MEP1A: variants seen among roughly 807,000 people sequenced by gnomAD.
MEP1A encodes the protein N-benzoyl-L-tyrosyl-P-amino-benzoic acid hydrolase subunit alpha.
A neutral mutation model predicts 84.5 loss-of-function variants in MEP1A; 68 were observed. That is an observed-to-expected ratio of 0.80 (90% CI 0.66 to 0.98). MEP1A has a LOEUF of 0.98. Among genes scored for constraint, MEP1A ranks in the 50% least tolerant of loss-of-function variants. The pLI is 0.00. For synonymous variants in MEP1A, 337 were observed against 336.8 expected (o/e 1.00, Z -0.01); for missense variants, 887 against 919.9 (o/e 0.96, Z 0.46).
Position 46,814,668 on chromosome 6 carries a change from G to T in MEP1A, c.381-4861G>T, listed in dbSNP as rs539567357. ...TTGTTTTTCTGGTCCCTTCTCATTT[G>T]GGTAGACTGTGTCAGAGGGAAGATC... is the stretch of plus-strand genomic sequence containing the variant. On this transcript the variant is annotated intron_variant, in intron 6 of 13. Coordinates refer to ENST00000230588, the MANE Select transcript of MEP1A (RefSeq NM_005588.3). 5.9e-5 allele frequency among the ~76,000 whole-genome samples: 9 copies of T among 152,226 alleles called. No individual in the cohort carries two copies. The South Asian group carries it at 1.9e-3, about 32-fold the overall frequency.
At chr6:46,809,591 G>A in intron 6 of MEP1A, 54 bp downstream of exon 6, 2 of 1,214,798 alleles carry the variant, frequency 1.6e-6, no homozygotes, top group Non-Finnish European at 2.4e-6. Context: ...TTCGTAAGAA[G>A]TATTCTTTCC....
intron 6 of MEP1A, 135 bp downstream of exon 6, chr6:46,809,672 T>G: frequency 1.6e-6 from 1 of 611,554 alleles, no homozygotes; most frequent in African/African-American, 1.8e-5. Context: ...CACATATGAG[T>G]GAGAACATAC....
At chr6:46,803,272 CT>C (rs1263912816) in intron 5 of MEP1A, among the ~76,000 whole-genome samples, 2 of 151,346 alleles carry the variant, frequency 1.3e-5, no homozygotes, top group Admixed American at 1.3e-4. Context: ...TATTATGCTG[CT>C]TTTATTAAAT....
chr6:46,801,913 T>TC (rs1006825200), intron 5 of MEP1A, among the ~76,000 whole-genome samples: 2 of 151,992 alleles, frequency 1.3e-5, no homozygotes, highest in African/African-American at 4.8e-5. Context: ...TTGCCAAGAC[T>TC]CCTCATTTCT....
downstream of MEP1A, among the ~76,000 whole-genome samples, chr6:46,842,137 C>A (rs2094628): frequency 0.67 from 101,239 of 151,972 alleles, 34,056 homozygotes; most frequent in South Asian, 0.74. Flanking sequence ...TTATCTTTGT[C>A]AGCTGAGAAT....
intron 13 of MEP1A, among the ~76,000 whole-genome samples, chr6:46,838,507 A>G (rs565742139): frequency 6.6e-6 from 1 of 152,262 alleles, no homozygotes; most frequent in African/African-American, 2.4e-5. Flanking sequence ...GTAACATTTT[A>G]TTTGATATTA....
In MEP1A at chr6:46,839,137, C is replaced by T. The variant is rs1267680285; in HGVS notation, c.*1C>T. On this transcript the variant is annotated 3_prime_UTR_variant, in exon 14 of 14. Transcript: ENST00000230588. The stretch of plus-strand genomic sequence containing the variant: ...CCTTTCCCAAAGGCCAAGGAAGTGA[C>T]CTGCCTGCTGGCATTGGCCAGACCA... 3 of 1,611,434 alleles carry T rather than the reference C, an allele frequency of 1.9e-6. No homozygotes were observed. Among genetic ancestry groups the T allele is most frequent in the Middle Eastern group, 2.1e-4 (1 of 4,782 alleles).
Position 46,826,439 on chromosome 6 carries a change from C to T in MEP1A, c.864C>T (p.Asp288=). The T allele has an allele frequency of 3.1e-6, 5 of 1,609,030 alleles. No individual in the cohort carries two copies. Among genetic ancestry groups the T allele is most frequent in the Non-Finnish European group, 4.2e-6 (5 of 1,177,598 alleles). The change falls in exon 9 of 14, where the codon GAC becomes GAT. Residue 288 remains aspartate (D), a synonymous_variant. Transcript: ENST00000230588. ...TTCAGGGCACCAGAGATGACACTGA[C>T]TGGGCCCATCAGGACAGTGCTCAGG... ...GMIQGTRDDT[D]WAHQDSAQAG...
chr6:46,807,824 A>G (rs888489318), intron 5 of MEP1A, among the ~76,000 whole-genome samples: 49 of 144,736 alleles, frequency 3.4e-4, no homozygotes, highest in African/African-American at 9.5e-4. Context: ...AGAAAGAAAG[A>G]AAGAAAGAAA....
chr6:46,810,257 T>A (rs1299552800), intron 6 of MEP1A, among the ~76,000 whole-genome samples: 1 of 152,148 alleles, frequency 6.6e-6, no homozygotes, highest in Non-Finnish European at 1.5e-5. Flanking sequence ...TGGCCATTTC[T>A]GTATCTTCTT....
At chr6:46,815,537 A>G (rs1211494034) in intron 6 of MEP1A, among the ~76,000 whole-genome samples, 1 of 152,198 alleles carries the variant, frequency 6.6e-6, no homozygotes, top group Non-Finnish European at 1.5e-5. Flanking sequence ...TTGAGAAAGC[A>G]AGCAGACTCA....
chr6:46,807,781 AAGAAAGAAAG>A (rs1354078950), intron 5 of MEP1A, among the ~76,000 whole-genome samples: 1 of 87,740 alleles, frequency 1.1e-5, no homozygotes, highest in African/African-American at 3.7e-5. Context: ...GAAAGAAAGA[AAGAAAGAAAG>A]AAAGAAAGAA....
intron 5 of MEP1A, among the ~76,000 whole-genome samples, chr6:46,807,834 AGAAAGG>A (rs1767399971): frequency 7.8e-6 from 1 of 128,516 alleles, no homozygotes; most frequent in Non-Finnish European, 1.8e-5. Context: ...AAAGAAAGAA[AGAAAGG>A]AAGAAAGGAA....
Position 46,815,803 on chromosome 6 carries a change from A to G in MEP1A, c.381-3726A>G, listed in dbSNP as rs188099461. ...GTATGATGAAAATGGTAGTTAGCAC[A>G]TGATTTAGCCTCTTAGGAAAAAAAA... On this transcript the variant is annotated intron_variant, in intron 6 of 13. Transcript: ENST00000230588. Among the ~76,000 whole-genome samples the G allele has an allele frequency of 7.2e-3, 1,090 of 152,332 alleles. 10 individuals carry two copies. The highest frequency in any genetic ancestry group is 0.031 in the Middle Eastern group (9 of 294).
intron 5 of MEP1A, among the ~76,000 whole-genome samples, chr6:46,808,723 T>G (rs1211211971): frequency 6.6e-6 from 1 of 152,042 alleles, no homozygotes; most frequent in Admixed American, 6.6e-5. Context: ...GTATCTATTT[T>G]TCCTGCCCCT....
chr6:46,803,914 A>G (rs981266630), intron 5 of MEP1A, among the ~76,000 whole-genome samples: 7 of 151,716 alleles, frequency 4.6e-5, no homozygotes, highest in Non-Finnish European at 3.0e-5. Flanking sequence ...CGTTAATATT[A>G]TGCAAGCATT....
chr6:46,810,139 AT>A (rs1581671344), intron 6 of MEP1A, among the ~76,000 whole-genome samples: 2 of 151,836 alleles, frequency 1.3e-5, no homozygotes. Flanking sequence ...ATTTTTAAAA[AT>A]TTTTTAATTA....
At chr6:46,840,410 A>AT (rs1348204580), downstream of MEP1A, among the ~76,000 whole-genome samples, 1 of 152,152 alleles carries the variant, frequency 6.6e-6, no homozygotes, top group Non-Finnish European at 1.5e-5. Context: ...GCATTCTTAA[A>AT]TGTGCCAGAA....
chr6:46,829,283 C>T (rs1207093594), intron 9 of MEP1A, 73 bp from the exon 10 acceptor site: 1 of 1,265,664 alleles, frequency 7.9e-7, no homozygotes, highest in African/African-American at 1.5e-5. Flanking sequence ...TTCACTATTT[C>T]ACTTTGTTTG....
Sources: gnomAD v4.1 joint callset for allele counts (sites outside exome capture counted in the v4.1 genomes callset) on GRCh38, gnomAD v4.1.1 for gene constraint, MANE v1.5 for transcripts, NCBI Gene and HGNC (gene_info 2026-07-23, HGNC 2026-07-21) for gene names.